The following FAM53B variants were observed in gnomAD, a reference collection of about 807,000 sequenced individuals.
FAM53B encodes the protein family with sequence similarity 53 member B, also known as protein FAM53B.
A neutral mutation model predicts 32.7 loss-of-function variants in FAM53B; 12 were observed. That is an observed-to-expected ratio of 0.37 (90% CI 0.24 to 0.59). The LOEUF is 0.59. Ranked by LOEUF, FAM53B falls within the 20% of genes least tolerant of loss-of-function variation. FAM53B has a pLI of 0.72. For synonymous variants in FAM53B, 234 were observed against 228.7 expected (o/e 1.02, Z -0.21); for missense variants, 477 against 577.7 (o/e 0.83, Z 1.79).
Position 124,682,201 on chromosome 10 carries a change from G to C in FAM53B, c.312C>G (p.Asn104Lys). 1 of 1,613,952 alleles carries C rather than the reference G, an allele frequency of 6.2e-7. No homozygotes were observed. The highest frequency in any genetic ancestry group is 1.1e-5 in the South Asian group (1 of 91,038). The change falls in exon 4 of 5, where the codon AAC (asparagine) becomes AAG (lysine). Residue 104 changes from asparagine to lysine, a missense_variant. Physicochemically the swap from Asn to Lys is moderately conservative, Grantham distance 94. This residue lies in a region of FAM53B where 312 missense variants were observed against 420.2 expected (regional missense o/e 0.74). Transcript: ENST00000337318. The surrounding 1 kb of genome is among the most constrained non-coding windows in gnomAD (Gnocchi z 5.2). Reference sequence around the variant, plus strand: ...GGCGCTTGCTAGGGGGTGCTGAGGGGTTCCCGTTGTGGTCGCTGATGCTGA... The same window carrying C: ...GGCGCTTGCTAGGGGGTGCTGAGGGCTTCCCGTTGTGGTCGCTGATGCTGA... The part of the protein sequence containing the change: ...KDLSISDHNG[N>K]PSAPPSKRQC...
intron 4 of FAM53B, among the ~76,000 whole-genome samples, chr10:124,629,857 G>A (rs972231015): frequency 3.3e-5 from 5 of 152,236 alleles, no homozygotes; most frequent in African/African-American, 9.6e-5. Flanking sequence ...CGTGAAGGCC[G>A]TACTCTTTCT....
chr10:124,651,295 G>A lies in FAM53B; in HGVS notation c.907-27691C>T, dbSNP rs1372533947. 6.6e-6 allele frequency among the ~76,000 whole-genome samples: 1 copy of A among 152,216 alleles called. No individual in the cohort carries two copies. The highest frequency in any genetic ancestry group is 1.5e-5 in the Non-Finnish European group (1 of 68,040). On this transcript the variant is annotated intron_variant, in intron 4 of 4. Coordinates refer to ENST00000337318, the MANE Select transcript of FAM53B (RefSeq NM_014661.4). The surrounding 1 kb of genome is among the most constrained non-coding windows in gnomAD (Gnocchi z 5.2). Reference sequence around the variant, plus strand: ...CAGGGCCCTAACTCAGTTCCCTCGTGTTCCATTTCCCTCTGCACCTTCCCA... The same window carrying A: ...CAGGGCCCTAACTCAGTTCCCTCGTATTCCATTTCCCTCTGCACCTTCCCA...
chr10:124,659,427 A>G (rs1432865026), intron 4 of FAM53B, among the ~76,000 whole-genome samples: 1 of 152,260 alleles, frequency 6.6e-6, no homozygotes, highest in Admixed American at 6.5e-5. Context: ...CAGTGGTGGA[A>G]GTGGTCTTGG....
intron 3 of FAM53B, among the ~76,000 whole-genome samples, chr10:124,685,013 T>C (rs1279810719): frequency 6.6e-6 from 1 of 152,202 alleles, no homozygotes; most frequent in Non-Finnish European, 1.5e-5. Context: ...GCCGGTTAAA[T>C]AAATTATCAA....
At chr10:124,640,876 T>C (rs1949466470) in intron 4 of FAM53B, among the ~76,000 whole-genome samples, 1 of 151,732 alleles carries the variant, frequency 6.6e-6, no homozygotes, top group Non-Finnish European at 1.5e-5. Flanking sequence ...CAGAGCAGAG[T>C]GAGGCAACAG....
chr10:124,623,054 C>T lies in FAM53B; in HGVS notation c.*188G>A, dbSNP rs549515904. 105 of 704,032 alleles carry T rather than the reference C, an allele frequency of 1.5e-4. No individual in the cohort carries two copies. Among genetic ancestry groups the T allele is most frequent in the East Asian group, 1.2e-3 (42 of 34,838 alleles). The allele number at this position is 704,032 out of a possible 1,614,324, so 43.6% of individuals were successfully genotyped here. ...GGAGCCGGTGAGAGGCTGACACACC[C>T]GCTGTATGACGCGGCCAGGCCAGGC... On this transcript the variant is annotated 3_prime_UTR_variant, in exon 5 of 5. Coordinates refer to ENST00000337318, the MANE Select transcript of FAM53B (RefSeq NM_014661.4).
At chr10:124,630,310 A>T (rs529044327) in intron 4 of FAM53B, among the ~76,000 whole-genome samples, 2 of 152,300 alleles carry the variant, frequency 1.3e-5, no homozygotes, top group South Asian at 2.1e-4. Context: ...GCTACTCGGG[A>T]GGCTGAGGTG....
rs1949781899 is a variant in FAM53B at position 124,682,827 on chromosome 10, T to G, written c.134-448A>C. ...TGCAGCTCTCAGGACTGGGACTCGA[T>G]GCCCTGGCAGAAGACCACAACCAAA... On this transcript the variant is annotated intron_variant, in intron 3 of 4. Coordinates refer to ENST00000337318, the MANE Select transcript of FAM53B (RefSeq NM_014661.4). This position sits in a 1 kb window ranked among gnomAD's most constrained non-coding sequence, Gnocchi z 5.2. 6.6e-6 allele frequency among the ~76,000 whole-genome samples: 1 copy of G among 152,236 alleles called. No homozygotes were observed. Among genetic ancestry groups the G allele is most frequent in the Admixed American group, 6.5e-5 (1 of 15,286 alleles).
intron 4 of FAM53B, among the ~76,000 whole-genome samples, chr10:124,649,791 A>G (rs1241941899): frequency 6.6e-6 from 1 of 152,204 alleles, no homozygotes; most frequent in African/African-American, 2.4e-5. Context: ...CCCAAAAGCA[A>G]CCAAATATAC....
intron 1 of FAM53B, among the ~76,000 whole-genome samples, chr10:124,722,712 T>G (rs1589764028): frequency 6.6e-6 from 1 of 152,210 alleles, no homozygotes; most frequent in Non-Finnish European, 1.5e-5. Context: ...CATTTGTGTG[T>G]GTATATATCT....
intron 4 of FAM53B, among the ~76,000 whole-genome samples, chr10:124,629,076 G>A (rs1020376779): frequency 1.3e-5 from 2 of 152,266 alleles, no homozygotes; most frequent in Non-Finnish European, 2.9e-5. Flanking sequence ...TTATGCACCT[G>A]CTTCTTAGTA....
chr10:124,623,049 A>T lies in FAM53B; in HGVS notation c.*193T>A. ...CTCGGGGAGCCGGTGAGAGGCTGAC[A>T]CACCCGCTGTATGACGCGGCCAGGC... is the stretch of plus-strand genomic sequence containing the variant. On this transcript the variant is annotated 3_prime_UTR_variant, in exon 5 of 5. Transcript: ENST00000337318. 1.5e-6 allele frequency: 1 copy of T among 666,038 alleles called. No homozygotes were observed. The highest frequency in any genetic ancestry group is 2.4e-6 in the Non-Finnish European group (1 of 408,764). 41.3% of individuals were successfully genotyped at this position (666,038 alleles called of 1,614,324 possible). A position where few individuals can be genotyped will look rare whatever the true frequency, so the allele number is the denominator to read the frequency against.
At chr10:124,675,947 G>A (rs965313133) in intron 4 of FAM53B, among the ~76,000 whole-genome samples, 1 of 152,244 alleles carries the variant, frequency 6.6e-6, no homozygotes, top group Non-Finnish European at 1.5e-5. Flanking sequence ...TGCCAAGACT[G>A]CCAAGAGGAG....
Position 124,682,845 on chromosome 10 carries a change from C to T in FAM53B, c.134-466G>A, listed in dbSNP as rs1274978608. Among the ~76,000 whole-genome samples, 2 of 152,252 alleles carry T rather than the reference C, an allele frequency of 1.3e-5. No homozygotes were observed. The highest frequency in any genetic ancestry group is 1.3e-4 in the Admixed American group (2 of 15,286). On this transcript the variant is annotated intron_variant, in intron 3 of 4. Transcript: ENST00000337318. This position sits in a 1 kb window ranked among gnomAD's most constrained non-coding sequence, Gnocchi z 5.2. The stretch of plus-strand genomic sequence containing the variant: ...GACTCGATGCCCTGGCAGAAGACCA[C>T]AACCAAAGATGTCTCAACAGCTCGG...
At position 124,682,079 on chromosome 10, in the gene FAM53B, C is replaced by T. The variant is rs763763733; in HGVS notation, c.434G>A (p.Arg145His). The change falls in exon 4 of 5, where the codon CGC becomes CAC. Residue 145 changes from arginine (R) to histidine (H), a missense_variant. Coordinates refer to ENST00000337318, the MANE Select transcript of FAM53B (RefSeq NM_014661.4). This position sits in a 1 kb window ranked among gnomAD's most constrained non-coding sequence, Gnocchi z 5.2. ...SKVWTPVEKR[R>H]CYSGGSVQRY... Reference sequence around the variant, plus strand: ...CTGGACGCTGCCCCCGCTGTAGCAGCGTCTCTTTTCCACGGGAGTCCAGAC... The same window carrying T: ...CTGGACGCTGCCCCCGCTGTAGCAGTGTCTCTTTTCCACGGGAGTCCAGAC... 3.1e-6 allele frequency: 5 copies of T among 1,613,700 alleles called. No homozygotes were observed. The highest frequency in any genetic ancestry group is 1.1e-5 in the South Asian group (1 of 91,084).
intron 4 of FAM53B, among the ~76,000 whole-genome samples, chr10:124,665,390 G>A (rs561818928): frequency 6.6e-6 from 1 of 152,326 alleles, no homozygotes; most frequent in African/African-American, 2.4e-5. Flanking sequence ...ACATCTATGT[G>A]CCTGTGTCTC....
At chr10:124,653,620 G>C (rs1949569262) in intron 4 of FAM53B, among the ~76,000 whole-genome samples, 1 of 152,240 alleles carries the variant, frequency 6.6e-6, no homozygotes, top group Non-Finnish European at 1.5e-5. Flanking sequence ...TCATGAGCCA[G>C]ACTTGGGTCA....
chr10:124,657,243 C>T (rs1218329154), intron 4 of FAM53B, among the ~76,000 whole-genome samples: 3 of 150,614 alleles, frequency 2.0e-5, no homozygotes, highest in Non-Finnish European at 4.4e-5. Flanking sequence ...ACTGTGTCTG[C>T]TTTTCATATT....
At chr10:124,665,661 G>A (rs1170990326) in intron 4 of FAM53B, among the ~76,000 whole-genome samples, 7 of 152,236 alleles carry the variant, frequency 4.6e-5, no homozygotes, top group African/African-American at 1.7e-4. Flanking sequence ...AGAGGATACA[G>A]CCCTGGGCAT....
Sources: gnomAD v4.1 joint callset for allele counts (sites outside exome capture counted in the v4.1 genomes callset) on GRCh38, gnomAD v4.1.1 for gene constraint, gnomAD v4.1.1 regional missense constraint, Gnocchi (gnomAD v3.1) non-coding constraint, MANE v1.5 for transcripts, NCBI Gene and HGNC (gene_info 2026-07-23, HGNC 2026-07-21) for gene names.